CDK14: variants seen among roughly 807,000 people sequenced by gnomAD.
The protein encoded by CDK14 is cyclin-dependent kinase 14.
A neutral mutation model predicts 60.7 loss-of-function variants in CDK14; 34 were observed. The ratio of observed to expected loss-of-function variants is 0.56; its 90% CI spans 0.43 to 0.75. The LOEUF (loss-of-function observed/expected upper bound fraction) is 0.75. CDK14 is among the 30% of genes least tolerant of loss of function. The pLI is 0.00. For synonymous variants in CDK14, 197 were observed against 203.7 expected (o/e 0.97, Z 0.28); for missense variants, 482 against 564.1 (o/e 0.85, Z 1.47).
chr7:91,065,208 G>A lies in CDK14; in HGVS notation c.1106-14224G>A, dbSNP rs73708235. Among the ~76,000 whole-genome samples the A allele has an allele frequency of 2.7e-3, 416 of 152,314 alleles. 4 individuals are homozygous for A. The highest frequency in any genetic ancestry group is 9.3e-3 in the African/African-American group (386 of 41,572). On this transcript the variant is annotated intron_variant, in intron 11 of 14. Transcript: ENST00000380050. ...GCTTTAGCCTCACGGGTAAAGGACT[G>A]AAGAGGCTGCTCAGCATTTTAAGGT...
At chr7:90,919,856 A>G (rs951119754) in intron 8 of CDK14, among the ~76,000 whole-genome samples, 3 of 152,228 alleles carry the variant, frequency 2.0e-5, no homozygotes, top group African/African-American at 4.8e-5. Context: ...AGAGATAGCT[A>G]TTGATACAGC....
At chr7:90,969,320 T>G (rs1794851114) in intron 9 of CDK14, among the ~76,000 whole-genome samples, 1 of 152,184 alleles carries the variant, frequency 6.6e-6, no homozygotes. Flanking sequence ...GAACTAAATA[T>G]ATCAACTTAA....
chr7:91,089,710 C>T (rs997271719), intron 12 of CDK14, among the ~76,000 whole-genome samples: 2 of 152,168 alleles, frequency 1.3e-5, no homozygotes, highest in African/African-American at 4.8e-5. Context: ...CTGTCCCTCT[C>T]TGCCACGTTA....
chr7:91,091,520 T>TATATA (rs1268235380), intron 12 of CDK14, among the ~76,000 whole-genome samples: 13 of 140,912 alleles, frequency 9.2e-5, no homozygotes, highest in African/African-American at 1.7e-4. Flanking sequence ...TATATATAAA[T>TATATA]TAGCCAGGCA....
intron 3 of CDK14, among the ~76,000 whole-genome samples, chr7:90,736,388 A>G (rs1207324959): frequency 8.4e-6 from 1 of 118,614 alleles, no homozygotes; most frequent in Non-Finnish European, 1.7e-5. Context: ...AGAAAGGTTA[A>G]TTTCCACTGG....
chr7:90,903,800 T>TA (rs1167184173), intron 7 of CDK14, among the ~76,000 whole-genome samples: 21 of 152,192 alleles, frequency 1.4e-4, no homozygotes, highest in Non-Finnish European at 2.2e-4. Context: ...TATGATTGTA[T>TA]AAAAATACGC....
At chr7:90,669,775 A>C (rs750432355) in intron 2 of CDK14, among the ~76,000 whole-genome samples, 20 of 152,166 alleles carry the variant, frequency 1.3e-4, no homozygotes, top group Non-Finnish European at 2.5e-4. Context: ...AGAACACAAG[A>C]TATAAGAAGA....
intron 10 of CDK14, among the ~76,000 whole-genome samples, chr7:91,026,456 A>G (rs1323761695): frequency 2.0e-5 from 3 of 152,250 alleles, no homozygotes; most frequent in Non-Finnish European, 4.4e-5. Context: ...ATAGTCTTAT[A>G]GAAGTAAGAT....
chr7:90,606,437 A>G (rs750200695), intron 2 of CDK14, among the ~76,000 whole-genome samples: 25 of 152,244 alleles, frequency 1.6e-4, no homozygotes, highest in Non-Finnish European at 2.5e-4. Flanking sequence ...TGAATAGCTC[A>G]TAATTGGTGT....
At chr7:90,640,009 A>C (rs887323505) in intron 2 of CDK14, among the ~76,000 whole-genome samples, 1 of 152,018 alleles carries the variant, frequency 6.6e-6, no homozygotes, top group African/African-American at 2.4e-5. Context: ...CTGATTTTCC[A>C]CGTGCTGTCT....
At chr7:91,124,113 C>G (rs894953385) in intron 14 of CDK14, among the ~76,000 whole-genome samples, 1 of 152,034 alleles carries the variant, frequency 6.6e-6, no homozygotes. Context: ...GTCTCAAACT[C>G]CTGGCCTTAA....
chr7:90,912,244 C>G (rs773722271), intron 7 of CDK14, among the ~76,000 whole-genome samples: 1 of 151,952 alleles, frequency 6.6e-6, no homozygotes, highest in Non-Finnish European at 1.5e-5. Context: ...TAGTTCAGCA[C>G]GTGAATTTGT....
chr7:91,030,691 T>A (rs1796736702), intron 10 of CDK14, among the ~76,000 whole-genome samples: 1 of 152,170 alleles, frequency 6.6e-6, no homozygotes, highest in African/African-American at 2.4e-5. Flanking sequence ...TTGCTGTTGA[T>A]CCCCACTGAC....
intron 6 of CDK14, among the ~76,000 whole-genome samples, chr7:90,895,588 T>A (rs1792310637): frequency 8.2e-6 from 1 of 121,284 alleles, no homozygotes; most frequent in Non-Finnish European, 1.7e-5. Context: ...CCTGACAGAG[T>A]CTTGCTCTGT....
chr7:90,887,033 T>C (rs1020592207), intron 6 of CDK14, among the ~76,000 whole-genome samples: 2 of 152,188 alleles, frequency 1.3e-5, no homozygotes, highest in African/African-American at 4.8e-5. Context: ...TTTCTACCCA[T>C]TTTAACTTTT....
intron 9 of CDK14, among the ~76,000 whole-genome samples, chr7:90,973,790 A>G (rs1435607301): frequency 1.3e-5 from 2 of 152,168 alleles, no homozygotes; most frequent in Non-Finnish European, 2.9e-5. Context: ...CAGAGATCAC[A>G]TGCTTCAAAG....
Position 90,955,662 on chromosome 7 carries a change from C to T in CDK14, c.827-35C>T, listed in dbSNP as rs748485498. Reference sequence around the variant, plus strand: ...TTAAATTCCCTTGTTTTGCTAATGCCTGTTAAACTTCTTTATGTTTCATAT... The same window carrying T: ...TTAAATTCCCTTGTTTTGCTAATGCTTGTTAAACTTCTTTATGTTTCATAT... On this transcript the variant is annotated intron_variant, in intron 8 of 14. Coordinates refer to ENST00000380050, the MANE Select transcript of CDK14 (RefSeq NM_001287135.2). 3 of 1,610,278 alleles carry T rather than the reference C, an allele frequency of 1.9e-6. No homozygotes were observed. The Admixed American group carries it at 5.0e-5, about 27-fold the overall frequency.
At chr7:90,687,236 G>A (rs1801456642) in intron 2 of CDK14, among the ~76,000 whole-genome samples, 1 of 152,022 alleles carries the variant, frequency 6.6e-6, no homozygotes, top group African/African-American at 2.4e-5. Context: ...GATACGTGTA[G>A]GGTAGCCAAA....
In CDK14 at chr7:90,777,510, A is replaced by C. The variant is rs528390196; in HGVS notation, c.465-13063A>C. 2.0e-5 allele frequency among the ~76,000 whole-genome samples: 3 copies of C among 152,336 alleles called. No homozygotes were observed. In the East Asian group the frequency reaches 5.8e-4, roughly 29 times the overall value. ...TTAGAATCACTGCGGGTGTTTTTAC[A>C]AATACAGATGCTAGGACTTTACCCC... On this transcript the variant is annotated intron_variant, in intron 4 of 14. Coordinates refer to ENST00000380050, the MANE Select transcript of CDK14 (RefSeq NM_001287135.2).
Sources: gnomAD v4.1 joint callset for allele counts (sites outside exome capture counted in the v4.1 genomes callset) on GRCh38, gnomAD v4.1.1 for gene constraint, MANE v1.5 for transcripts, NCBI Gene and HGNC (gene_info 2026-07-23, HGNC 2026-07-21) for gene names.